GABRA3: variants seen among roughly 807,000 people sequenced by gnomAD.
GABRA3 encodes gamma-aminobutyric acid receptor subunit alpha-3.
Under a neutral mutation model 30.1 loss-of-function variants are expected in GABRA3, and 10 were observed. The ratio of observed to expected loss-of-function variants is 0.33; its 90% CI spans 0.20 to 0.56. The LOEUF (loss-of-function observed/expected upper bound fraction) is 0.56. GABRA3 is among the 20% of genes least tolerant of loss of function. GABRA3 has a pLI of 0.89. For missense variants in GABRA3, 233 were observed against 392.0 expected (o/e 0.59, Z 3.42); for synonymous variants, 151 against 146.8 (o/e 1.03, Z -0.21).
At chrX:152,224,912 T>C in intron 5 of GABRA3, 67 bp from the exon 6 acceptor site, 1 of 736,581 alleles carries the variant, frequency 1.4e-6, no homozygotes, top group Non-Finnish European at 2.1e-6. Context: ...AGGGCTGCAT[T>C]CCCACTCAGT....
At chrX:152,369,478 G>A (rs943270442) in intron 1 of GABRA3, among the ~76,000 whole-genome samples, 1 of 111,545 alleles carries the variant, frequency 9.0e-6, no homozygotes, top group Non-Finnish European at 1.9e-5. Context: ...TTCAGCCACT[G>A]TGGCCTCCTT....
intron 4 of GABRA3, among the ~76,000 whole-genome samples, chrX:152,263,565 C>G (rs1053955228): frequency 1.8e-5 from 2 of 110,489 alleles, no homozygotes; most frequent in African/African-American, 6.6e-5. Context: ...AACAATGAAG[C>G]ATGCTTTCAA....
At chrX:152,410,783 T>C in intron 1 of GABRA3, among the ~76,000 whole-genome samples, 1 of 110,886 alleles carries the variant, frequency 9.0e-6, no homozygotes, top group Non-Finnish European at 1.9e-5. Flanking sequence ...CCAAAGAAGA[T>C]ATACAAATCA....
chrX:152,340,996 A>G (rs956492987), intron 3 of GABRA3, among the ~76,000 whole-genome samples: 1 of 111,205 alleles, frequency 9.0e-6, no homozygotes, highest in East Asian at 2.8e-4. Context: ...GTTGTACCCA[A>G]TATGTACTTT....
At chrX:152,369,296 A>G (rs1053870322) in intron 1 of GABRA3, among the ~76,000 whole-genome samples, 1 of 111,725 alleles carries the variant, frequency 9.0e-6, no homozygotes, top group Non-Finnish European at 1.9e-5. Context: ...GTCATTCCAC[A>G]ATGTGTATAT....
chrX:152,417,267 T>A (rs1490148225), intron 1 of GABRA3, among the ~76,000 whole-genome samples: 16 of 100,116 alleles, frequency 1.6e-4, no homozygotes, highest in African/African-American at 6.3e-4. Context: ...AAAAAACACA[T>A]GAAAAAATGC....
chrX:152,220,682 G>C (rs1052245931), intron 6 of GABRA3, among the ~76,000 whole-genome samples: 4 of 111,821 alleles, frequency 3.6e-5, no homozygotes, highest in African/African-American at 1.3e-4. Context: ...TAGCGCATGA[G>C]AGTCCAGATT....
intron 2 of GABRA3, among the ~76,000 whole-genome samples, chrX:152,357,267 T>G (rs1369815466): frequency 1.8e-5 from 2 of 112,004 alleles, no homozygotes; most frequent in Non-Finnish European, 3.8e-5. Flanking sequence ...TATTCTGTTC[T>G]CTGCAACCTG....
intron 2 of GABRA3, among the ~76,000 whole-genome samples, chrX:152,363,248 G>A (rs754156819): frequency 1.8e-5 from 2 of 112,099 alleles, no homozygotes; most frequent in African/African-American, 6.5e-5. Context: ...ATGTACCTGT[G>A]TAGTATTGTG....
intron 3 of GABRA3, among the ~76,000 whole-genome samples, chrX:152,324,573 A>G (rs906319639): frequency 2.7e-5 from 3 of 111,941 alleles, no homozygotes; most frequent in African/African-American, 9.7e-5. Flanking sequence ...AAATATATCC[A>G]AAGATTTTGT....
At chrX:152,348,684 G>A (rs1940428561) in intron 2 of GABRA3, among the ~76,000 whole-genome samples, 5 of 111,913 alleles carry the variant, frequency 4.5e-5, no homozygotes. Flanking sequence ...ACAATTAAGT[G>A]AGTCACAAAT....
intron 3 of GABRA3, among the ~76,000 whole-genome samples, chrX:152,317,817 G>C (rs1939901464): frequency 1.8e-5 from 2 of 111,326 alleles, no homozygotes; most frequent in Admixed American, 9.6e-5. Flanking sequence ...TACGGCAAAA[G>C]CAGTGCTAAG....
intron 4 of GABRA3, among the ~76,000 whole-genome samples, chrX:152,281,319 G>A (rs999002085): frequency 9.0e-6 from 1 of 111,308 alleles, no homozygotes; most frequent in Non-Finnish European, 1.9e-5. Flanking sequence ...ATAGAAGGTT[G>A]CATGGCCCCA....
At chrX:152,433,176 G>A (rs1267464479) in intron 1 of GABRA3, among the ~76,000 whole-genome samples, 1 of 110,116 alleles carries the variant, frequency 9.1e-6, no homozygotes, top group Non-Finnish European at 1.9e-5. Context: ...AAAACCTAGA[G>A]GAAATACCAT....
At chrX:152,421,902 T>C (rs1930381571) in intron 1 of GABRA3, among the ~76,000 whole-genome samples, 1 of 111,243 alleles carries the variant, frequency 9.0e-6, no homozygotes, top group Admixed American at 9.6e-5. Flanking sequence ...ACAGTAGTAA[T>C]TGGTGGGCAG....
chrX:152,245,352 A>G (rs958890413), intron 5 of GABRA3, among the ~76,000 whole-genome samples: 7 of 111,507 alleles, frequency 6.3e-5, no homozygotes, highest in African/African-American at 2.3e-4. Flanking sequence ...ATAACAAATC[A>G]TTAATAGCCA....
chrX:152,269,115 C>T (rs955773966), intron 4 of GABRA3, among the ~76,000 whole-genome samples: 2 of 111,454 alleles, frequency 1.8e-5, no homozygotes, highest in East Asian at 2.8e-4. Context: ...CTAAAGACTC[C>T]AACAAAAAAT....
At chrX:152,189,643 G>C (rs1307292819) in intron 9 of GABRA3, 87 bp downstream of exon 9, 3 of 663,737 alleles carry the variant, frequency 4.5e-6, no homozygotes, top group Non-Finnish European at 7.0e-6. Context: ...GCCCTGCCCA[G>C]TTCTTGCAGG....
At chrX:152,173,601 C>T (rs111594521) in intron 9 of GABRA3, among the ~76,000 whole-genome samples, 8 of 109,627 alleles carry the variant, frequency 7.3e-5, no homozygotes, top group Middle Eastern at 4.7e-3. Context: ...CATGTGCCAC[C>T]GCTGCCCCCC....
Sources: gnomAD v4.1 joint callset for allele counts (sites outside exome capture counted in the v4.1 genomes callset) on GRCh38, gnomAD v4.1.1 for gene constraint, MANE v1.5 for transcripts, NCBI Gene and HGNC (gene_info 2026-07-23, HGNC 2026-07-21) for gene names.